Variants in CTNNA3 observed in about 807,000 individuals in gnomAD.
CTNNA3 encodes the protein catenin alpha 3, also known as catenin alpha-3.
Under a neutral mutation model 95.7 loss-of-function variants are expected in CTNNA3, and 76 were observed. The ratio of observed to expected loss-of-function variants is 0.79; its 90% confidence interval spans 0.66 to 0.96. The LOEUF (loss-of-function observed/expected upper bound fraction) is 0.96, where lower values mean the gene tolerates loss of function less well. Among genes scored for constraint, CTNNA3 ranks in the 40% least tolerant of loss-of-function variants. The pLI is 0.00. For synonymous variants in CTNNA3, 431 were observed against 374.4 expected, an observed-to-expected ratio of 1.15 and a Z score of -1.74; for missense variants, 1,191 against 1,089.8, an observed-to-expected ratio of 1.09 and a Z score of -1.31.
At chr10:66,047,724 G>C (rs1008633839) in intron 15 of CTNNA3, among the ~76,000 whole-genome samples, 8 of 152,192 alleles carry the variant, frequency 5.3e-5, no homozygotes, top group African/African-American at 1.9e-4. Context: ...TCTATATCTA[G>C]AAAACCCCAA....
intron 5 of CTNNA3, among the ~76,000 whole-genome samples, chr10:67,365,154 G>C (rs189565325): frequency 4.0e-4 from 61 of 152,206 alleles, no homozygotes. Flanking sequence ...AATGGTGCTG[G>C]GAAAACTGGC....
At chr10:66,419,888 C>G (rs898230075) in intron 11 of CTNNA3, among the ~76,000 whole-genome samples, 1 of 152,030 alleles carries the variant, frequency 6.6e-6, no homozygotes, top group Admixed American at 6.6e-5. Flanking sequence ...AAAATAAACT[C>G]AAGATGGATT....
chr10:66,121,644 G>C (rs2082579415), intron 13 of CTNNA3, among the ~76,000 whole-genome samples: 1 of 152,166 alleles, frequency 6.6e-6, no homozygotes, highest in Admixed American at 6.5e-5. Flanking sequence ...GAGGTGAAGA[G>C]TTCAAGAGCA....
At chr10:66,040,475 C>T (rs7074754) in intron 15 of CTNNA3, among the ~76,000 whole-genome samples, 50,524 of 151,300 alleles carry the variant, frequency 0.33, 8,424 homozygotes, top group South Asian at 0.42. Context: ...TGGAATCAAC[C>T]TAAATGCCCA....
chr10:66,550,657 A>G (rs2132106329), intron 10 of CTNNA3, among the ~76,000 whole-genome samples: 1 of 152,254 alleles, frequency 6.6e-6, no homozygotes, highest in South Asian at 2.1e-4. Flanking sequence ...GATGTGGATA[A>G]TTTTAGATCT....
rs1417713676 is a variant in CTNNA3, at chr10:66,331,338, G to GCTTGCTTTTTTTTTTTTTTTTTT, written c.1732+47813_1732+47814insAAAAAAAAAAAAAAAAAAGCAAG. Among the ~76,000 whole-genome samples the GCTTGCTTTTTTTTTTTTTTTTTT allele has an allele frequency of 4.9e-4, 19 of 39,106 alleles. 6 individuals carry two copies. Among genetic ancestry groups the GCTTGCTTTTTTTTTTTTTTTTTT allele is most frequent in the African/African-American group, 1.1e-3 (16 of 13,982 alleles). The allele number at this position is 39,106 out of a possible 152,430, so 25.7% of individuals were successfully genotyped here. A position where few individuals can be genotyped will look rare whatever the true frequency, so the allele number is the denominator to read the frequency against. On this transcript the variant is annotated intron_variant, in intron 12 of 17. Coordinates refer to ENST00000433211, the MANE Select transcript of CTNNA3 (RefSeq NM_013266.4). ...TTAAATATGGACTCCTTTCCCCATT[G>GCTTGCTTTTTTTTTTTTTTTTTT]TTTGTTTTTTTTTTTTTTTTTTTTT...
chr10:66,822,089 T>C (rs1842322169), intron 7 of CTNNA3, among the ~76,000 whole-genome samples: 1 of 142,332 alleles, frequency 7.0e-6, no homozygotes, highest in Admixed American at 7.5e-5. Context: ...ATTACATATA[T>C]TATATGTAAA....
In CTNNA3 at chr10:67,236,587, G is replaced by A. The variant is rs187972034; in HGVS notation, c.580-16717C>T. Reference sequence around the variant, plus strand: ...GATGACAAGTTAGTGGGTGTGGCGCGCCAACATGGCACATGTATACATATG... The same window carrying A: ...GATGACAAGTTAGTGGGTGTGGCGCACCAACATGGCACATGTATACATATG... On this transcript the variant is annotated intron_variant, in intron 5 of 17. Coordinates refer to ENST00000433211, the MANE Select transcript of CTNNA3 (RefSeq NM_013266.4). Among the ~76,000 whole-genome samples, 1,219 of 151,464 alleles carry A rather than the reference G, an allele frequency of 8.0e-3. 12 individuals are homozygous for A. Among genetic ancestry groups the A allele is most frequent in the African/African-American group, 0.023 (962 of 41,252 alleles).
chr10:66,948,251 G>A (rs1848373422), intron 7 of CTNNA3, among the ~76,000 whole-genome samples: 1 of 152,118 alleles, frequency 6.6e-6, no homozygotes, highest in South Asian at 2.1e-4. Context: ...GAAAAACCTG[G>A]TAGTTGAGGC....
chr10:67,653,181 GAGAA>G (rs546797446), intron 1 of CTNNA3, among the ~76,000 whole-genome samples: 53 of 152,272 alleles, frequency 3.5e-4, no homozygotes, highest in African/African-American at 1.2e-3. Context: ...AGGAGCAAGA[GAGAA>G]AGAGAGAGAG....
chr10:67,370,816 T>G (rs1398779606), intron 5 of CTNNA3, among the ~76,000 whole-genome samples: 1 of 152,112 alleles, frequency 6.6e-6, no homozygotes, highest in African/African-American at 2.4e-5. Context: ...AAAAGAAACT[T>G]GTTTGCATTA....
At chr10:66,098,381 T>C (rs2081486521) in intron 14 of CTNNA3, among the ~76,000 whole-genome samples, 1 of 152,142 alleles carries the variant, frequency 6.6e-6, no homozygotes, top group African/African-American at 2.4e-5. Context: ...ACTACTTAAA[T>C]TTTTTGTTTC....
rs192385305 is a variant in CTNNA3, at chr10:67,577,600, G to C, written c.292+29257C>G. Among the ~76,000 whole-genome samples the C allele has an allele frequency of 1.1e-4, 17 of 151,978 alleles. No individual in the cohort carries two copies. The East Asian group carries it at 3.3e-3, about 29-fold the overall frequency. On this transcript the variant is annotated intron_variant, in intron 3 of 17. Transcript: ENST00000433211. ...GGTGTTTTAGACGTGAAACACCCAT[G>C]CCTATGTCCTGAATGGTAATGCCTA... is the stretch of plus-strand genomic sequence containing the variant.
At chr10:66,598,976 C>T (rs1238113406) in intron 10 of CTNNA3, among the ~76,000 whole-genome samples, 2 of 151,926 alleles carry the variant, frequency 1.3e-5, no homozygotes, top group African/African-American at 4.8e-5. Flanking sequence ...AGGCATCACA[C>T]TCCCTGATTT....
chr10:66,442,569 T>C (rs2093382802), intron 11 of CTNNA3, among the ~76,000 whole-genome samples: 1 of 152,202 alleles, frequency 6.6e-6, no homozygotes, highest in Non-Finnish European at 1.5e-5. Context: ...TTTTCTCATA[T>C]TGTTTGCACC....
intron 10 of CTNNA3, among the ~76,000 whole-genome samples, chr10:66,566,790 G>C (rs184100045): frequency 6.6e-6 from 1 of 151,910 alleles, no homozygotes; most frequent in East Asian, 2.0e-4. Flanking sequence ...GCTGAGATTT[G>C]AAATAAACTG....
chr10:66,512,798 C>CT (rs750701832), intron 11 of CTNNA3, among the ~76,000 whole-genome samples: 20 of 151,878 alleles, frequency 1.3e-4, no homozygotes, highest in South Asian at 2.1e-4. Context: ...AAAGTTTTTT[C>CT]TTTTTTTTAT....
At chr10:66,291,351 C>T (rs1413712567) in intron 12 of CTNNA3, among the ~76,000 whole-genome samples, 1 of 152,118 alleles carries the variant, frequency 6.6e-6, no homozygotes, top group Non-Finnish European at 1.5e-5. Context: ...TAAGGCCCCA[C>T]CCATGGAGTT....
chr10:66,420,834 TAAATA>T (rs1347202382), intron 11 of CTNNA3, among the ~76,000 whole-genome samples: 883 of 77,084 alleles, frequency 0.011, 9 homozygotes, highest in African/African-American at 0.041. Context: ...AATAAATAAA[TAAATA>T]AAAAACAATA....
Sources: allele counts gnomAD v4.1 joint callset (sites outside exome capture counted in the v4.1 genomes callset), GRCh38; gene constraint gnomAD v4.1.1; transcripts MANE v1.5; gene names NCBI Gene and HGNC (gene_info 2026-07-23, HGNC 2026-07-21).